GTF3C2: variants seen among roughly 807,000 people sequenced by gnomAD.
GTF3C2 encodes the protein general transcription factor IIIC subunit 2.
GTF3C2 carries 17 observed loss-of-function variants against 117.4 expected under a neutral mutation model. The ratio of observed to expected loss-of-function variants is 0.14; its 90% CI spans 0.10 to 0.22. GTF3C2 has a LOEUF of 0.22. Among genes scored for constraint, GTF3C2 ranks in the 10% least tolerant of loss-of-function variants. The pLI is 1.00. For synonymous variants in GTF3C2, 437 were observed against 427.0 expected (o/e 1.02, Z -0.29); for missense variants, 888 against 1,143.6 (o/e 0.78, Z 3.22).
chr2:27,337,269 C>T (rs1680521067), exon 7 of GTF3C2: 2 of 1,611,570 alleles, frequency 1.2e-6, no homozygotes, highest in Non-Finnish European at 8.5e-7. Context: ...AGGGTGCCAT[C>T]TTCAGGTAGC....
chr2:27,341,906 T>C, intron 4 of GTF3C2, 42 bp downstream of exon 4: 13 of 1,551,182 alleles, frequency 8.4e-6, no homozygotes, highest in Non-Finnish European at 1.2e-5. Context: ...TCCCCTAAAA[T>C]CCTACTATGT....
intron 16 of GTF3C2, 121 bp downstream of exon 16, chr2:27,328,347 G>T: frequency 9.0e-7 from 1 of 1,115,776 alleles, no homozygotes; most frequent in Non-Finnish European, 1.3e-6. Flanking sequence ...ATACAACTCT[G>T]TGCTAAGATT....
intron 1 of GTF3C2, among the ~76,000 whole-genome samples, chr2:27,349,821 G>A (rs535566464): frequency 1.3e-4 from 20 of 151,890 alleles, no homozygotes; most frequent in Non-Finnish European, 2.5e-4. Flanking sequence ...GTATTTTTTA[G>A]TAGAGACGGG....
chr2:27,354,718 G>A (rs974647118), intron 1 of GTF3C2, among the ~76,000 whole-genome samples: 1 of 152,116 alleles, frequency 6.6e-6, no homozygotes, highest in Non-Finnish European at 1.5e-5. Context: ...CCGATATCAC[G>A]CCACTGCACT....
chr2:27,344,810 C>A (rs776862882), intron 1 of GTF3C2, among the ~76,000 whole-genome samples: 18 of 149,788 alleles, frequency 1.2e-4, no homozygotes, highest in African/African-American at 4.4e-4. Context: ...ATAGGGAGAC[C>A]TCATCTCTAC....
chr2:27,335,497 TAA>T (rs1680431713), intron 10 of GTF3C2, 99 bp downstream of exon 10: 1 of 736,670 alleles, frequency 1.4e-6, no homozygotes, highest in Admixed American at 2.0e-5. Context: ...GGCTTTGTGC[TAA>T]GAGAGACTGG....
chr2:27,353,799 T>G (rs1342774082), intron 1 of GTF3C2, among the ~76,000 whole-genome samples: 1 of 152,140 alleles, frequency 6.6e-6, no homozygotes, highest in Non-Finnish European at 1.5e-5. Flanking sequence ...CATGGCTCAC[T>G]GCACCTTGAC....
chr2:27,356,374 C>A, intron 1 of GTF3C2: 1 of 296,452 alleles, frequency 3.4e-6, no homozygotes, highest in Non-Finnish European at 7.0e-6. Flanking sequence ...TAGATTTCTC[C>A]CCTAGCCTGT....
chr2:27,333,152 T>G (rs1333132251), intron 12 of GTF3C2, among the ~76,000 whole-genome samples: 1 of 149,252 alleles, frequency 6.7e-6, no homozygotes, highest in African/African-American at 2.5e-5. Flanking sequence ...CTGGCCGGCA[T>G]CTACTCTTTT....
At chr2:27,337,385 C>G (rs770105759) in intron 6 of GTF3C2, 43 bp from the exon 7 acceptor site, 1 of 1,505,528 alleles carries the variant, frequency 6.6e-7, no homozygotes, top group African/African-American at 1.4e-5. Flanking sequence ...GGAAGTGTTT[C>G]ACCCATCTCA....
chr2:27,340,727 T>A, intron 4 of GTF3C2: 1 of 150,430 alleles, frequency 6.6e-6, no homozygotes, highest in East Asian at 2.0e-4. Context: ...TTCAAGCGAG[T>A]CTCCTGCCTC....
rs2148356718 is a variant in GTF3C2, at chr2:27,356,153, C to T, written c.-25+586G>A. The T allele has an allele frequency of 4.0e-6, 5 of 1,240,540 alleles. No individual in the cohort carries two copies. The South Asian group carries it at 6.2e-5, about 15-fold the overall frequency. The allele number at this position is 1,240,540 out of a possible 1,614,324, so 76.8% of individuals were successfully genotyped here. On this transcript the variant is annotated intron_variant, in intron 1 of 18. Transcript: ENST00000264720. ...TTGAAGTCGCCACCTCTGACTTCCC[C>T]AACAGGCAGCCAACTTGCCACGGGA... is the stretch of plus-strand genomic sequence containing the variant.
chr2:27,343,763 G>A lies in GTF3C2; in HGVS notation c.-24-185C>T, dbSNP rs115899267. ...GGACTGTTCTGGAAACTGGTAATATGAGCCAGGTGCGGTGGCTCACACCTG... is the reference window on the plus strand; with the variant it reads ...GGACTGTTCTGGAAACTGGTAATATAAGCCAGGTGCGGTGGCTCACACCTG... On this transcript the variant is annotated intron_variant, in intron 1 of 18. Coordinates refer to ENST00000264720, the Ensembl canonical transcript of GTF3C2. The A allele has an allele frequency of 1.4e-3, 785 of 546,806 alleles. 4 individuals carry two copies. The highest frequency in any genetic ancestry group is 0.013 in the African/African-American group (693 of 52,672). 33.9% of individuals were successfully genotyped at this position (546,806 alleles called of 1,614,324 possible). A position where few individuals can be genotyped will look rare whatever the true frequency, so the allele number is the denominator to read the frequency against.
intron 4 of GTF3C2, chr2:27,340,198 C>T (rs1680671977): frequency 6.6e-6 from 1 of 151,922 alleles, no homozygotes; most frequent in African/African-American, 2.4e-5. Context: ...TGTGAGAGAA[C>T]ACAGAAACAA....
intron 17 of GTF3C2, 106 bp downstream of exon 17, chr2:27,327,931 T>G (rs1430313701): frequency 3.3e-6 from 3 of 909,268 alleles, no homozygotes; most frequent in African/African-American, 1.8e-5. Flanking sequence ...TGGCCGAGGC[T>G]CCTTAGTTTT....
intron 12 of GTF3C2, among the ~76,000 whole-genome samples, chr2:27,332,108 C>T (rs1189255867): frequency 6.6e-6 from 1 of 152,028 alleles, no homozygotes; most frequent in East Asian, 1.9e-4. Flanking sequence ...GTGTCTTTTT[C>T]TTCTATAAAA....
At chr2:27,348,488 A>G (rs1003414600) in intron 1 of GTF3C2, among the ~76,000 whole-genome samples, 2 of 152,104 alleles carry the variant, frequency 1.3e-5, no homozygotes, top group Non-Finnish European at 2.9e-5. Context: ...CAATAAACAC[A>G]TATCATTTAA....
At chr2:27,345,017 C>T (rs777718409) in intron 1 of GTF3C2, among the ~76,000 whole-genome samples, 5 of 151,948 alleles carry the variant, frequency 3.3e-5, no homozygotes, top group South Asian at 2.1e-4. Flanking sequence ...GGCACGATAG[C>T]TCATGCCTGT....
At chr2:27,326,113 G>A (rs1328810659) in exon 19 of GTF3C2, 10 of 433,166 alleles carry the variant, frequency 2.3e-5, no homozygotes, top group Non-Finnish European at 4.3e-5. Flanking sequence ...CTGAGCCACT[G>A]TTCTATCGGT....
Sources: allele counts gnomAD v4.1 joint callset (sites outside exome capture counted in the v4.1 genomes callset), GRCh38; gene constraint gnomAD v4.1.1; transcripts MANE v1.5; gene names NCBI Gene and HGNC (gene_info 2026-07-23, HGNC 2026-07-21).